ROBO1: variants seen among roughly 807,000 people sequenced by gnomAD.
ROBO1 encodes the protein roundabout homolog 1.
ROBO1 carries 149 observed loss-of-function variants against 195.9 expected under a neutral mutation model. The observed-to-expected ratio is 0.76, with a 90% CI of 0.67 to 0.87. The LOEUF (loss-of-function observed/expected upper bound fraction) is 0.87, where lower values mean the gene tolerates loss of function less well. Ranked by LOEUF, ROBO1 falls within the 40% of genes least tolerant of loss-of-function variation. The pLI, the probability that ROBO1 is intolerant of heterozygous loss-of-function variation, is 0.00. For missense variants in ROBO1, 1,933 were observed against 2,068.3 expected (o/e 0.93, Z 1.27); for synonymous variants, 816 against 733.2 (o/e 1.11, Z -1.82).
intron 3 of ROBO1, among the ~76,000 whole-genome samples, chr3:79,066,458 G>T (rs986686216): frequency 2.6e-5 from 4 of 151,622 alleles, no homozygotes; most frequent in Non-Finnish European, 5.9e-5. Flanking sequence ...TGCTACTCTG[G>T]TACTTTTAGT....
chr3:79,426,155 A>G (rs2038437935), intron 2 of ROBO1, among the ~76,000 whole-genome samples: 1 of 152,176 alleles, frequency 6.6e-6, no homozygotes. Context: ...TTTTTATTTG[A>G]AAGCAATAAG....
At chr3:79,553,601 G>A (rs9873034) in intron 2 of ROBO1, among the ~76,000 whole-genome samples, 36,932 of 151,932 alleles carry the variant, frequency 0.24, 5,136 homozygotes, top group African/African-American at 0.37. Flanking sequence ...TAGGTACCAA[G>A]TGTCATTTTT....
intron 1 of ROBO1, among the ~76,000 whole-genome samples, chr3:79,722,102 T>A (rs530033402): frequency 1.3e-5 from 2 of 152,188 alleles, no homozygotes; most frequent in Non-Finnish European, 2.9e-5. Flanking sequence ...GAAAAGGTAC[T>A]ACAGGAAACA....
intron 4 of ROBO1, among the ~76,000 whole-genome samples, chr3:78,930,931 C>T (rs1478047591): frequency 1.3e-5 from 2 of 152,128 alleles, no homozygotes; most frequent in African/African-American, 4.8e-5. Flanking sequence ...ACATGTAATT[C>T]AACTCTCAGC....
At chr3:78,881,519 G>T (rs2036179250) in intron 4 of ROBO1, among the ~76,000 whole-genome samples, 1 of 152,174 alleles carries the variant, frequency 6.6e-6, no homozygotes, top group Non-Finnish European at 1.5e-5. Context: ...GGCTAATTTT[G>T]AAGAGTATGG....
chr3:78,723,506 A>T lies in ROBO1; in HGVS notation c.658-5623T>A, dbSNP rs148197387. Among the ~76,000 whole-genome samples, 14 of 152,334 alleles carry T rather than the reference A, an allele frequency of 9.2e-5. No individual in the cohort carries two copies. The East Asian group carries it at 2.5e-3, about 27-fold the overall frequency. On this transcript the variant is annotated intron_variant, in intron 5 of 30. Coordinates refer to ENST00000464233, the MANE Select transcript of ROBO1 (RefSeq NM_002941.4). ...ATATATATTTGCATTGACACAGCATAAGACTTAGAAACAAGTAAATTTTAG... is the reference window on the plus strand; with the variant it reads ...ATATATATTTGCATTGACACAGCATTAGACTTAGAAACAAGTAAATTTTAG...
At chr3:79,028,830 G>A (rs2078246259) in intron 3 of ROBO1, among the ~76,000 whole-genome samples, 1 of 151,952 alleles carries the variant, frequency 6.6e-6, no homozygotes, top group African/African-American at 2.4e-5. Context: ...TATTACAAGT[G>A]TTTAATAAAT....
intron 2 of ROBO1, among the ~76,000 whole-genome samples, chr3:79,321,127 C>T (rs949831030): frequency 2.0e-5 from 3 of 152,046 alleles, no homozygotes; most frequent in Non-Finnish European, 2.9e-5. Context: ...CATTGTCATG[C>T]TTCAGTTGCA....
intron 1 of ROBO1, among the ~76,000 whole-genome samples, chr3:79,638,798 G>A (rs1432332762): frequency 2.6e-5 from 4 of 152,102 alleles, no homozygotes; most frequent in Non-Finnish European, 5.9e-5. Flanking sequence ...AGAAAAAGGT[G>A]CTTTTTGGTT....
At chr3:79,498,524 G>T (rs1016795269) in intron 2 of ROBO1, among the ~76,000 whole-genome samples, 3 of 152,098 alleles carry the variant, frequency 2.0e-5, no homozygotes, top group South Asian at 4.1e-4. Flanking sequence ...CTAAAAAACA[G>T]TTTAAAAATA....
intron 3 of ROBO1, among the ~76,000 whole-genome samples, chr3:78,995,175 C>A (rs2077333044): frequency 6.6e-6 from 1 of 152,188 alleles, no homozygotes; most frequent in Admixed American, 6.5e-5. Context: ...TGATGATATT[C>A]TTTTCTTTCC....
At chr3:79,469,802 C>T (rs988541063) in intron 2 of ROBO1, among the ~76,000 whole-genome samples, 1 of 151,744 alleles carries the variant, frequency 6.6e-6, no homozygotes, top group Non-Finnish European at 1.5e-5. Flanking sequence ...AAGAAAGTTA[C>T]AACAATTTGA....
chr3:79,154,638 T>G (rs1159657987), intron 2 of ROBO1, among the ~76,000 whole-genome samples: 2 of 151,762 alleles, frequency 1.3e-5, no homozygotes, highest in African/African-American at 4.8e-5. Context: ...TAAATTCACA[T>G]GGGCATCTTT....
intron 1 of ROBO1, among the ~76,000 whole-genome samples, chr3:79,643,647 C>T (rs1334681727): frequency 2.0e-5 from 3 of 151,910 alleles, no homozygotes; most frequent in Non-Finnish European, 4.4e-5. Flanking sequence ...GTTAAGTTGT[C>T]AACTTTTTAA....
intron 10 of ROBO1, among the ~76,000 whole-genome samples, chr3:78,685,032 G>C (rs752449798): frequency 4.0e-5 from 6 of 151,876 alleles, no homozygotes; most frequent in Non-Finnish European, 7.4e-5. Flanking sequence ...TCATGGCTTT[G>C]GTTCTATTTT....
chr3:79,429,970 CCTT>C (rs1559893265), intron 2 of ROBO1, among the ~76,000 whole-genome samples: 1 of 151,670 alleles, frequency 6.6e-6, no homozygotes, highest in African/African-American at 2.4e-5. Flanking sequence ...AATTGTTATA[CCTT>C]CTTCTTTCCA....
intron 2 of ROBO1, among the ~76,000 whole-genome samples, chr3:79,436,558 G>A (rs1198015109): frequency 1.3e-5 from 2 of 152,082 alleles, no homozygotes; most frequent in African/African-American, 4.8e-5. Context: ...GCTTTGATCT[G>A]TAGGTTGTCA....
chr3:79,267,060 C>A (rs1160421182), intron 2 of ROBO1, among the ~76,000 whole-genome samples: 2 of 151,342 alleles, frequency 1.3e-5, no homozygotes, highest in Non-Finnish European at 3.0e-5. Context: ...TTCTATATGG[C>A]AGCCACTATC....
At chr3:79,663,032 C>G (rs991945569) in intron 1 of ROBO1, among the ~76,000 whole-genome samples, 2 of 152,026 alleles carry the variant, frequency 1.3e-5, no homozygotes, top group Non-Finnish European at 2.9e-5. Flanking sequence ...AACTCAGAAG[C>G]TATGATTCTC....
Sources: gnomAD v4.1 joint callset for allele counts (sites outside exome capture counted in the v4.1 genomes callset) on GRCh38, gnomAD v4.1.1 for gene constraint, MANE v1.5 for transcripts, NCBI Gene and HGNC (gene_info 2026-07-23, HGNC 2026-07-21) for gene names.